The following PLD5 variants were observed in gnomAD, a reference collection of about 807,000 sequenced individuals.
PLD5 encodes the protein inactive phospholipase D5.
PLD5 carries 36 observed loss-of-function variants against 61.1 expected under a neutral mutation model. The observed-to-expected ratio is 0.59, with a 90% confidence interval of 0.45 to 0.78. PLD5 has a LOEUF of 0.78. Among genes scored for constraint, PLD5 ranks in the 30% least tolerant of loss-of-function variants. The pLI, the probability that PLD5 is intolerant of heterozygous loss-of-function variation, is 0.00. For missense variants in PLD5, 515 were observed against 644.4 expected (o/e 0.80, Z 2.17); for synonymous variants, 243 against 242.8 (o/e 1.00, Z -0.01).
At chr1:242,527,754 A>C (rs1468022281), upstream of PLD5, among the ~76,000 whole-genome samples, 1 of 152,220 alleles carries the variant, frequency 6.6e-6, no homozygotes. Context: ...ATTGAACCCA[A>C]CTGAAACTGT....
At chr1:242,121,505 A>G (rs966285773) in intron 6 of PLD5, among the ~76,000 whole-genome samples, 2 of 152,196 alleles carry the variant, frequency 1.3e-5, no homozygotes, top group African/African-American at 4.8e-5. Context: ...ATTAAAAAAT[A>G]GAAAATAAAA....
intron 9 of PLD5, among the ~76,000 whole-genome samples, chr1:242,094,014 C>T (rs1160879545): frequency 6.6e-6 from 1 of 152,058 alleles, no homozygotes; most frequent in Non-Finnish European, 1.5e-5. Context: ...GGAATTCCTG[C>T]ACCTTTGTGA....
chr1:242,130,977 CAAG>C (rs977914273), intron 5 of PLD5, among the ~76,000 whole-genome samples: 19 of 152,062 alleles, frequency 1.2e-4, no homozygotes, highest in African/African-American at 4.1e-4. Flanking sequence ...AGTCCACTGT[CAAG>C]AAGCTGTTAT....
chr1:242,516,269 TATATATATATAC>T (rs1669100758), intron 1 of PLD5, among the ~76,000 whole-genome samples: 1 of 91,216 alleles, frequency 1.1e-5, no homozygotes, highest in Non-Finnish European at 2.5e-5. Flanking sequence ...TATATATATA[TATATATATATAC>T]ATATTCTTCT....
At chr1:242,227,106 C>T (rs1350522980) in intron 4 of PLD5, among the ~76,000 whole-genome samples, 1 of 152,186 alleles carries the variant, frequency 6.6e-6, no homozygotes, top group Non-Finnish European at 1.5e-5. Context: ...TATCATAGAT[C>T]TGTTCCAAAT....
intron 1 of PLD5, chr1:242,449,330 G>A (rs531648411): frequency 6.5e-7 from 1 of 1,536,104 alleles, no homozygotes; most frequent in South Asian, 1.2e-5. Flanking sequence ...CACTAGGTCT[G>A]TAGAAAACTC....
intron 5 of PLD5, among the ~76,000 whole-genome samples, chr1:242,186,659 T>C (rs1667919297): frequency 6.6e-6 from 1 of 152,218 alleles, no homozygotes; most frequent in African/African-American, 2.4e-5. Context: ...AACTAGTGAT[T>C]GACAAGCTAT....
At chr1:242,523,865 G>A (rs901798244) in intron 1 of PLD5, among the ~76,000 whole-genome samples, 6 of 152,198 alleles carry the variant, frequency 3.9e-5, no homozygotes, top group African/African-American at 7.2e-5. Flanking sequence ...GGGTCGGCAG[G>A]GACCAAGAGC....
At position 242,270,555 on chromosome 1, in the gene PLD5, G is replaced by T. The variant is rs186116332; in HGVS notation, c.496-5107C>A. ...TATTCTTAAAGAAAGTTACTCCCCA[G>T]TCTCTCCCACTCTTTCCATTCCCAG... On this transcript the variant is annotated intron_variant, in intron 3 of 9. Coordinates refer to ENST00000536534, the MANE Select transcript of PLD5 (RefSeq NM_001372062.1). Among the ~76,000 whole-genome samples, 3 of 152,292 alleles carry T rather than the reference G, an allele frequency of 2.0e-5. No individual in the cohort carries two copies. The East Asian group carries it at 5.8e-4, about 29-fold the overall frequency.
chr1:242,238,373 G>A (rs6429341), intron 4 of PLD5, among the ~76,000 whole-genome samples: 85,056 of 151,944 alleles, frequency 0.56, 24,008 homozygotes, highest in South Asian at 0.69. Context: ...CCATTGCCCC[G>A]TCAGCCCAGC....
chr1:242,345,309 A>G (rs3905159), intron 2 of PLD5, among the ~76,000 whole-genome samples: 144,643 of 152,212 alleles, frequency 0.95, 68,987 homozygotes, highest in Non-Finnish European at 0.99. Flanking sequence ...TAGAATGTAG[A>G]TTTAAATTCA....
intron 1 of PLD5, among the ~76,000 whole-genome samples, chr1:242,516,232 T>C (rs572830395): frequency 8.4e-4 from 122 of 146,010 alleles, no homozygotes; most frequent in African/African-American, 3.0e-3. Flanking sequence ...GCTAAAAATA[T>C]ATTCTTCTAA....
At chr1:242,183,525 G>T (rs1305194266) in intron 5 of PLD5, among the ~76,000 whole-genome samples, 4 of 152,194 alleles carry the variant, frequency 2.6e-5, no homozygotes, top group Non-Finnish European at 5.9e-5. Flanking sequence ...TGAACTCGAA[G>T]GCAGAGGTTC....
intron 1 of PLD5, among the ~76,000 whole-genome samples, chr1:242,360,202 G>C (rs1248493356): frequency 6.6e-6 from 1 of 151,976 alleles, no homozygotes; most frequent in African/African-American, 2.4e-5. Flanking sequence ...CCACACTTTT[G>C]AACCGGGGCC....
intron 5 of PLD5, among the ~76,000 whole-genome samples, chr1:242,166,758 G>C (rs1235252673): frequency 2.6e-5 from 4 of 152,114 alleles, no homozygotes; most frequent in African/African-American, 4.8e-5. Flanking sequence ...CATTTTACTT[G>C]AAGTTACTGA....
intron 1 of PLD5, among the ~76,000 whole-genome samples, chr1:242,445,943 A>C (rs976163211): frequency 6.6e-6 from 1 of 151,852 alleles, no homozygotes; most frequent in African/African-American, 2.4e-5. Flanking sequence ...TACCTAGATA[A>C]TTTTTAAAGC....
Position 242,256,768 on chromosome 1 carries a change from ATCTATC to A in PLD5, c.607+8563_607+8568del. Among the ~76,000 whole-genome samples the A allele has an allele frequency of 6.6e-6, 1 of 151,520 alleles. No individual in the cohort carries two copies. The highest frequency in any genetic ancestry group is 1.9e-4 in the East Asian group (1 of 5,156). ...CTATCATCTATCTATCTATCTATCT[ATCTATC>A]TATCTATCTATCTATCTATCTATTA... On this transcript the variant is annotated intron_variant, in intron 4 of 9. Transcript: ENST00000536534. This position sits in a 1 kb window ranked among gnomAD's most constrained non-coding sequence, Gnocchi z 5.7.
intron 1 of PLD5, among the ~76,000 whole-genome samples, chr1:242,497,316 T>C (rs1668402883): frequency 6.6e-6 from 1 of 152,234 alleles, no homozygotes; most frequent in Non-Finnish European, 1.5e-5. Context: ...AAACTATTAA[T>C]GATGTCTTAT....
intron 5 of PLD5, among the ~76,000 whole-genome samples, chr1:242,172,156 A>C (rs1219962099): frequency 6.6e-6 from 1 of 152,248 alleles, no homozygotes; most frequent in Non-Finnish European, 1.5e-5. Flanking sequence ...GCAAATGCAA[A>C]AGAATGGAAA....
Sources: gnomAD v4.1 joint callset for allele counts (sites outside exome capture counted in the v4.1 genomes callset) on GRCh38, gnomAD v4.1.1 for gene constraint, Gnocchi (gnomAD v3.1) non-coding constraint, MANE v1.5 for transcripts, NCBI Gene and HGNC (gene_info 2026-07-23, HGNC 2026-07-21) for gene names.